HHIPL1: variants seen among roughly 807,000 people sequenced by gnomAD.
HHIPL1 encodes HHIP like 1, also known as HHIP-like protein 1.
A neutral mutation model predicts 61.8 loss-of-function variants in HHIPL1; 43 were observed. The ratio of observed to expected loss-of-function variants is 0.70; its 90% CI spans 0.55 to 0.90. The LOEUF is 0.90. HHIPL1 is among the 40% of genes least tolerant of loss of function. The pLI is 0.00. For missense variants in HHIPL1, 1,056 were observed against 1,157.7 expected, an observed-to-expected ratio of 0.91 and a Z score of 1.28; for synonymous variants, 482 against 515.8, an observed-to-expected ratio of 0.93 and a Z score of 0.89.
the HHIPL1 span, among the ~76,000 whole-genome samples, chr14:99,628,332 C>T: frequency 1.3e-5 from 2 of 152,178 alleles, no homozygotes; most frequent in Non-Finnish European, 2.9e-5. Context: ...GTCATCCCAG[C>T]TCTTTGTGAA....
At chr14:99,674,817 C>CT (rs1407045472) in intron 8 of HHIPL1, among the ~76,000 whole-genome samples, 4 of 152,190 alleles carry the variant, frequency 2.6e-5, no homozygotes, top group Non-Finnish European at 5.9e-5. Context: ...CAACAGCAGA[C>CT]TGGCACAAAG....
At chr14:99,639,205 A>G in the HHIPL1 span, among the ~76,000 whole-genome samples, 10 of 152,380 alleles carry the variant, frequency 6.6e-5, no homozygotes, top group East Asian at 1.9e-3. Flanking sequence ...TCTGAAATGA[A>G]TGTGGTGACT....
Position 99,675,480 on chromosome 14 carries a change from T to C in HHIPL1, c.2203T>C (p.Ser735Pro). ...GAGAGCCGAGTTCGGCCAGGGCGGCTCGCTGCCCATTCTGCTGGACGATGT... is the reference window on the plus strand; with the variant it reads ...GAGAGCCGAGTTCGGCCAGGGCGGCCCGCTGCCCATTCTGCTGGACGATGT... ...VKRAEFGQGG[S>P]LPILLDDVRC... The change falls in exon 9 of 9, where the codon TCG becomes CCG. Residue 735 changes from serine to proline, a missense_variant. Transcript: ENST00000330710. The surrounding 1 kb of genome is among the most constrained non-coding windows in gnomAD (Gnocchi z 5.4). The C allele has an allele frequency of 1.3e-6, 2 of 1,541,994 alleles. No individual in the cohort carries two copies. Among genetic ancestry groups the C allele is most frequent in the Non-Finnish European group, 1.7e-6 (2 of 1,146,384 alleles).
At chr14:99,666,413 C>T (rs983956991) in intron 6 of HHIPL1, among the ~76,000 whole-genome samples, 1 of 152,218 alleles carries the variant, frequency 6.6e-6, no homozygotes, top group South Asian at 2.1e-4. Context: ...TTGGGGGCTA[C>T]AGCTCCCAGC....
At chr14:99,663,725 C>T (rs183823110) in intron 6 of HHIPL1, among the ~76,000 whole-genome samples, 5 of 152,178 alleles carry the variant, frequency 3.3e-5, no homozygotes, top group Admixed American at 1.3e-4. Flanking sequence ...TCTGAGCTCC[C>T]GTTTGTTCCT....
At chr14:99,635,051 G>A in the HHIPL1 span, among the ~76,000 whole-genome samples, 7 of 152,254 alleles carry the variant, frequency 4.6e-5, no homozygotes, top group South Asian at 2.1e-4. Context: ...CCCCATTGGC[G>A]GTCTTCAGTG....
intron 5 of HHIPL1, among the ~76,000 whole-genome samples, chr14:99,661,421 A>AGGAAGGAAGGAAG (rs1555378192): frequency 1.3e-3 from 183 of 143,506 alleles, no homozygotes; most frequent in African/African-American, 4.4e-3. Context: ...GAGAGAGAAA[A>AGGAAGGAAGGAAG]GAAGGAAGGA....
chr14:99,609,696 G>A, the HHIPL1 span, among the ~76,000 whole-genome samples: 1 of 152,336 alleles, frequency 6.6e-6, no homozygotes, highest in African/African-American at 2.4e-5. Flanking sequence ...GGGGAGGATG[G>A]GTTCCTTCAT....
the HHIPL1 span, among the ~76,000 whole-genome samples, chr14:99,611,786 C>T: frequency 4.6e-5 from 7 of 151,792 alleles, 1 homozygote; most frequent in South Asian, 4.2e-4. Flanking sequence ...CCTTCTTATA[C>T]GCGTGTCCCA....
chr14:99,629,209 C>T, the HHIPL1 span, among the ~76,000 whole-genome samples: 41 of 152,354 alleles, frequency 2.7e-4, no homozygotes, highest in South Asian at 7.0e-3. Flanking sequence ...TATACCTGTG[C>T]ACACCTCCAG....
At position 99,668,985 on chromosome 14, in the gene HHIPL1, A is replaced by C. The variant is rs2056294783; in HGVS notation, c.1730+682A>C. On this transcript the variant is annotated intron_variant, in intron 7 of 8. Coordinates refer to ENST00000330710, the MANE Select transcript of HHIPL1 (RefSeq NM_001127258.3). This position sits in a 1 kb window ranked among gnomAD's most constrained non-coding sequence, Gnocchi z 4.7. ...CCAGGGCCAGGGTGGGGCCCAGGCCACTGGCTCCAGAGCCCTGCCCTAACC... is the reference window on the plus strand; with the variant it reads ...CCAGGGCCAGGGTGGGGCCCAGGCCCCTGGCTCCAGAGCCCTGCCCTAACC... 1.1e-5 allele frequency: 18 copies of C among 1,567,410 alleles called. No homozygotes were observed. The highest frequency in any genetic ancestry group is 1.6e-5 in the Non-Finnish European group (18 of 1,155,330).
intron 3 of HHIPL1, among the ~76,000 whole-genome samples, chr14:99,658,868 A>T (rs1396237414): frequency 6.6e-6 from 1 of 152,178 alleles, no homozygotes; most frequent in Non-Finnish European, 1.5e-5. Context: ...AGTGCCGAGT[A>T]CTGGAAGAAA....
intron 4 of HHIPL1, 91 bp downstream of exon 4, chr14:99,659,847 C>A: frequency 6.4e-6 from 2 of 311,210 alleles, no homozygotes; most frequent in Non-Finnish European, 9.3e-6. Context: ...GGAGACCGCA[C>A]CCCCCCCCCC....
At chr14:99,642,222 G>A (rs1441118313), upstream of HHIPL1, among the ~76,000 whole-genome samples, 3 of 152,234 alleles carry the variant, frequency 2.0e-5, no homozygotes, top group Admixed American at 2.0e-4. Context: ...TTACAGGCAT[G>A]AGCCACTGTG....
chr14:99,663,180 T>C (rs1436397875), intron 6 of HHIPL1, among the ~76,000 whole-genome samples, 159 bp downstream of exon 6: 1 of 152,156 alleles, frequency 6.6e-6, no homozygotes, highest in African/African-American at 2.4e-5. Context: ...CATGTGCCTC[T>C]GTTACGGAAA....
Position 99,659,511 on chromosome 14 carries a change from C to T in HHIPL1, c.1130C>T (p.Pro377Leu), listed in dbSNP as rs1293999366. 1.3e-6 allele frequency: 2 copies of T among 1,542,064 alleles called. No individual in the cohort carries two copies. Among genetic ancestry groups the T allele is most frequent in the Non-Finnish European group, 1.7e-6 (2 of 1,148,292 alleles). Residue 377 changes from proline to leucine, a missense_variant, in exon 4 of 9, where the codon CCG (proline) becomes CTG (leucine). Transcript: ENST00000330710. ...GLPYGIPPDNPFVGDPAAQPE... is the reference protein window; with the variant it reads ...GLPYGIPPDNLFVGDPAAQPE... ...CCCTACGGCATCCCGCCCGACAACC[C>T]GTTCGTGGGCGACCCCGCGGCGCAG...
chr14:99,649,563 G>A (rs866856389), intron 1 of HHIPL1, among the ~76,000 whole-genome samples: 2 of 152,312 alleles, frequency 1.3e-5, no homozygotes, highest in Non-Finnish European at 2.9e-5. Flanking sequence ...GGCCAAGGCG[G>A]GAGGATTGCT....
At chr14:99,646,791 TAA>T in intron 1 of HHIPL1, among the ~76,000 whole-genome samples, 1 of 115,832 alleles carries the variant, frequency 8.6e-6, no homozygotes, top group East Asian at 2.4e-4. Flanking sequence ...TAATATAATA[TAA>T]TATGATATGA....
At chr14:99,655,844 T>C (rs2056018872) in intron 2 of HHIPL1, among the ~76,000 whole-genome samples, 2 of 152,178 alleles carry the variant, frequency 1.3e-5, no homozygotes, top group South Asian at 4.1e-4. Flanking sequence ...AAAAAGTCCT[T>C]TGTGCTGTGG....
Sources: allele counts gnomAD v4.1 joint callset (sites outside exome capture counted in the v4.1 genomes callset), GRCh38; gene constraint gnomAD v4.1.1; non-coding constraint Gnocchi (gnomAD v3.1); transcripts MANE v1.5; gene names NCBI Gene and HGNC (gene_info 2026-07-23, HGNC 2026-07-21).